Variants in PTPRG observed in about 807,000 individuals in gnomAD.
PTPRG encodes protein tyrosine phosphatase receptor type G.
Under a neutral mutation model 165.3 loss-of-function variants are expected in PTPRG, and 102 were observed. The observed-to-expected ratio is 0.62, with a 90% CI of 0.53 to 0.73. The LOEUF (loss-of-function observed/expected upper bound fraction) is 0.73, where lower values mean the gene tolerates loss of function less well. PTPRG is among the 30% of genes least tolerant of loss of function. PTPRG has a pLI of 0.00. For synonymous variants in PTPRG, 675 were observed against 669.5 expected (o/e 1.01, Z -0.13); for missense variants, 1,866 against 1,861.4 (o/e 1.00, Z -0.05).
At chr3:61,565,168 A>G (rs1258861648) in intron 1 of PTPRG, among the ~76,000 whole-genome samples, 3 of 152,198 alleles carry the variant, frequency 2.0e-5, no homozygotes, top group African/African-American at 7.2e-5. Context: ...TTTTGGAAAC[A>G]CAGCCCTGGC....
intron 2 of PTPRG, chr3:61,750,342 G>A (rs1391990698): frequency 6.6e-6 from 1 of 152,190 alleles, no homozygotes. Context: ...CTGTTAGTCA[G>A]GAAATTGGAA....
intron 1 of PTPRG, among the ~76,000 whole-genome samples, chr3:61,719,229 T>G (rs1247046366): frequency 1.3e-5 from 2 of 152,200 alleles, no homozygotes; most frequent in African/African-American, 2.4e-5. Context: ...GAGAAGGAAT[T>G]TGTTCGTTGA....
intron 10 of PTPRG, 43 bp from the exon 11 acceptor site, chr3:62,201,462 A>C: frequency 6.5e-7 from 1 of 1,527,812 alleles, no homozygotes; most frequent in Non-Finnish European, 8.9e-7. Context: ...TTAGAGCCAC[A>C]AAAAAAGTTA....
In PTPRG at chr3:61,825,325, C is replaced by G. The variant is rs139568887; in HGVS notation, c.190+76343C>G. On this transcript the variant is annotated intron_variant, in intron 2 of 29. Transcript: ENST00000474889. ...TAAATGCTTCAAGTGTAAGACTGGT[C>G]ATACTGAACACAGATTAAATAGACA... is the stretch of plus-strand genomic sequence containing the variant. Among the ~76,000 whole-genome samples, 748 of 152,220 alleles carry G rather than the reference C, an allele frequency of 4.9e-3. 5 individuals carry two copies. Among genetic ancestry groups the G allele is most frequent in the Non-Finnish European group, 8.6e-3 (585 of 68,004 alleles).
intron 2 of PTPRG, among the ~76,000 whole-genome samples, chr3:61,856,991 T>G (rs1260999699): frequency 6.6e-6 from 1 of 152,168 alleles, no homozygotes; most frequent in African/African-American, 2.4e-5. Context: ...TACATGAGGC[T>G]CCTTTATTTT....
intron 28 of PTPRG, among the ~76,000 whole-genome samples, chr3:62,292,074 G>A (rs929582553): frequency 3.3e-5 from 5 of 152,036 alleles, no homozygotes; most frequent in African/African-American, 9.7e-5. Flanking sequence ...ATAACGTCTA[G>A]TTAAGAGGTT....
intron 4 of PTPRG, among the ~76,000 whole-genome samples, chr3:62,065,453 T>G (rs1406238173): frequency 6.6e-6 from 1 of 152,224 alleles, no homozygotes; most frequent in Non-Finnish European, 1.5e-5. Context: ...AGTGAATACA[T>G]GTACCACCTT....
chr3:62,203,611 AAGG>A lies in PTPRG; in HGVS notation c.1819_1821del (p.Glu607del), dbSNP rs756808522. The A allele has an allele frequency of 4.8e-5, 75 of 1,553,530 alleles. No homozygotes were observed. Among genetic ancestry groups the A allele is most frequent in the African/African-American group, 8.2e-5 (6 of 73,220 alleles). On this transcript the variant is annotated inframe_deletion, in exon 12 of 30. Transcript: ENST00000474889. This position sits in a 1 kb window ranked among gnomAD's most constrained non-coding sequence, Gnocchi z 6.4. ...GGATGGAGAGAAGGACTCCGAAAAG[AAGG>A]AGAAGAGTGGGGTGACCCACGCTGC...
chr3:61,830,310 C>T (rs902205686), intron 2 of PTPRG, among the ~76,000 whole-genome samples: 1 of 152,156 alleles, frequency 6.6e-6, no homozygotes, highest in East Asian at 1.9e-4. Flanking sequence ...CTGTCTTACT[C>T]TGTTGTCGTG....
chr3:62,049,488 C>G (rs1477383990), intron 4 of PTPRG, among the ~76,000 whole-genome samples: 4 of 152,170 alleles, frequency 2.6e-5, no homozygotes, highest in African/African-American at 9.6e-5. Context: ...ATGATGCTCG[C>G]TGTTTCATGT....
chr3:61,845,618 A>C (rs1016491700), intron 2 of PTPRG, among the ~76,000 whole-genome samples: 1 of 152,208 alleles, frequency 6.6e-6, no homozygotes, highest in Non-Finnish European at 1.5e-5. Context: ...TTCTCTCTGT[A>C]AAGGTGTATA....
chr3:61,922,372 G>A (rs2039099742), intron 2 of PTPRG, among the ~76,000 whole-genome samples: 1 of 152,228 alleles, frequency 6.6e-6, no homozygotes, highest in African/African-American at 2.4e-5. Context: ...CAAAAGATGT[G>A]CGCTCTGGTT....
intron 2 of PTPRG, among the ~76,000 whole-genome samples, chr3:61,945,663 A>T (rs1370608920): frequency 6.6e-6 from 1 of 151,948 alleles, no homozygotes; most frequent in Non-Finnish European, 1.5e-5. Flanking sequence ...ACATCTACAA[A>T]TTTTTCTGGG....
chr3:61,977,603 T>G (rs1369820494), intron 2 of PTPRG, among the ~76,000 whole-genome samples: 1 of 152,194 alleles, frequency 6.6e-6, no homozygotes, highest in African/African-American at 2.4e-5. Flanking sequence ...AGCTTTTTTT[T>G]TCACAGAATG....
intron 5 of PTPRG, among the ~76,000 whole-genome samples, chr3:62,111,048 A>G (rs575142874): frequency 2.0e-5 from 3 of 152,344 alleles, no homozygotes; most frequent in Admixed American, 1.3e-4. Flanking sequence ...ACCTTTACAC[A>G]GCCAAGATTC....
intron 1 of PTPRG, among the ~76,000 whole-genome samples, chr3:61,605,731 G>A (rs776004106): frequency 6.6e-6 from 1 of 152,002 alleles, no homozygotes; most frequent in Admixed American, 6.6e-5. Flanking sequence ...ACCATGCTTG[G>A]CTAAGTTTTC....
chr3:61,936,810 T>C (rs960712077), intron 2 of PTPRG, among the ~76,000 whole-genome samples: 1 of 152,304 alleles, frequency 6.6e-6, no homozygotes, highest in Admixed American at 6.5e-5. Context: ...GAAGTGATAA[T>C]GGAGGAGGAA....
intron 1 of PTPRG, among the ~76,000 whole-genome samples, chr3:61,720,230 T>C (rs1293188093): frequency 6.6e-6 from 1 of 151,962 alleles, no homozygotes; most frequent in East Asian, 1.9e-4. Flanking sequence ...TTCAAGCAAT[T>C]CTCCTGCCTC....
At chr3:62,124,389 C>T (rs1330828913) in intron 5 of PTPRG, 3 of 1,613,642 alleles carry the variant, frequency 1.9e-6, no homozygotes, top group African/African-American at 2.7e-5. Context: ...ATCTGCAGGT[C>T]CAAGATGTAG....
Sources: allele counts gnomAD v4.1 joint callset (sites outside exome capture counted in the v4.1 genomes callset), GRCh38; gene constraint gnomAD v4.1.1; non-coding constraint Gnocchi (gnomAD v3.1); transcripts MANE v1.5; gene names NCBI Gene and HGNC (gene_info 2026-07-23, HGNC 2026-07-21).